The following FER variants were observed in gnomAD, a reference collection of about 807,000 sequenced individuals.
FER encodes the protein FER tyrosine kinase, also known as tyrosine-protein kinase Fer.
Under a neutral mutation model 111.0 loss-of-function variants are expected in FER, and 63 were observed. The ratio of observed to expected loss-of-function variants is 0.57; its 90% CI spans 0.46 to 0.70. The LOEUF (loss-of-function observed/expected upper bound fraction) is 0.70, where lower values mean the gene tolerates loss of function less well. FER is among the 30% of genes least tolerant of loss of function. The pLI is 0.00. For missense variants in FER, 914 were observed against 954.0 expected, an observed-to-expected ratio of 0.96 and a Z score of 0.55; for synonymous variants, 327 against 313.9, an observed-to-expected ratio of 1.04 and a Z score of -0.44.
chr5:108,912,105 C>T (rs770030387), intron 10 of FER, among the ~76,000 whole-genome samples: 26 of 152,134 alleles, frequency 1.7e-4, no homozygotes, highest in Non-Finnish European at 2.6e-4. Flanking sequence ...TTCTGCCTTC[C>T]ACCATAATTG....
At position 108,924,360 on chromosome 5, in the gene FER, CAAAAA is replaced by C. The variant is rs59469649; in HGVS notation, c.1237-21752_1237-21748del. ...GGGCGACAAGAGCGAAACTCTGTCT[CAAAAA>C]AAAAAAAAAAAAAAAAATCAAGTAG... On this transcript the variant is annotated intron_variant, in intron 10 of 19. Coordinates refer to ENST00000281092, the MANE Select transcript of FER (RefSeq NM_005246.4). Among the ~76,000 whole-genome samples the C allele has an allele frequency of 3.5e-3, 349 of 99,064 alleles. 1 individual carries two copies. The highest frequency in any genetic ancestry group is 9.0e-3 in the African/African-American group (243 of 26,918). 65.0% of individuals were successfully genotyped at this position (99,064 alleles called of 152,430 possible). A position where few individuals can be genotyped will look rare whatever the true frequency, so the allele number is the denominator to read the frequency against.
chr5:108,958,131 C>CAG (rs3839301), intron 12 of FER, among the ~76,000 whole-genome samples: 21,108 of 151,562 alleles, frequency 0.14, 1,862 homozygotes, highest in African/African-American at 0.25. Context: ...CTCAATGAAA[C>CAG]AAATATTCAT....
At chr5:108,879,697 AAAAAATAT>A (rs1379568607) in intron 8 of FER, among the ~76,000 whole-genome samples, 24 of 96,040 alleles carry the variant, frequency 2.5e-4, no homozygotes, top group African/African-American at 9.8e-4. Flanking sequence ...TTAGATTAAA[AAAAAATAT>A]ATATATATAT....
intron 10 of FER, among the ~76,000 whole-genome samples, chr5:108,909,620 C>A (rs1313746560): frequency 6.6e-6 from 1 of 151,986 alleles, no homozygotes; most frequent in African/African-American, 2.4e-5. Flanking sequence ...ATGTTTAAAT[C>A]TGTCTTCTTT....
chr5:108,988,238 G>C (rs993828422), intron 13 of FER, among the ~76,000 whole-genome samples: 2 of 151,904 alleles, frequency 1.3e-5, no homozygotes, highest in Non-Finnish European at 2.9e-5. Flanking sequence ...CAGGAATGTT[G>C]GTCTGTAGTT....
chr5:109,045,553 C>T (rs1304383852), intron 15 of FER, among the ~76,000 whole-genome samples: 1 of 151,918 alleles, frequency 6.6e-6, no homozygotes, highest in Non-Finnish European at 1.5e-5. Context: ...GTTTAGAGTC[C>T]TATAGGTGAG....
chr5:108,851,665 G>C lies in FER; in HGVS notation c.481+15858G>C, dbSNP rs181325497. On this transcript the variant is annotated intron_variant, in intron 5 of 19. Coordinates refer to ENST00000281092, the MANE Select transcript of FER (RefSeq NM_005246.4). The stretch of plus-strand genomic sequence containing the variant: ...GGTATTGAATTTAATAATTTCAAAT[G>C]TGATTTTTCTTTGAAATTTTATAGT... 2.1e-3 allele frequency among the ~76,000 whole-genome samples: 320 copies of C among 152,218 alleles called. 3 individuals carry two copies. Among genetic ancestry groups the C allele is most frequent in the African/African-American group, 7.1e-3 (296 of 41,544 alleles).
chr5:108,900,525 A>T (rs555616454), intron 10 of FER, among the ~76,000 whole-genome samples: 1 of 152,338 alleles, frequency 6.6e-6, no homozygotes, highest in East Asian at 1.9e-4. Context: ...CAATTTCAAT[A>T]AGAGACTTAT....
chr5:108,898,540 C>CCCCTCCCCTTCCTCCCTT (rs1749498353), intron 10 of FER, among the ~76,000 whole-genome samples: 1 of 130,760 alleles, frequency 7.6e-6, no homozygotes, highest in Admixed American at 7.8e-5. Flanking sequence ...TCCCTCCCTT[C>CCCCTCCCCTTCCTCCCTT]CCCTCCCCTT....
Position 109,193,373 on chromosome 5 carries a change from C to T in FER, c.*5798C>T, listed in dbSNP as rs2126912341. ...TAATTTTAATATAGAAAAAGTCTTT[C>T]AGGTTTGTGACACGAAGACAGATTT... is the stretch of plus-strand genomic sequence containing the variant. On this transcript the variant is annotated 3_prime_UTR_variant, in exon 20 of 20. Transcript: ENST00000281092. The T allele has an allele frequency of 6.6e-6, 1 of 152,226 alleles. No homozygotes were observed. The highest frequency in any genetic ancestry group is 2.1e-4 in the South Asian group (1 of 4,808). The allele number at this position is 152,226 out of a possible 1,614,324, so 9.4% of individuals were successfully genotyped here.
intron 13 of FER, among the ~76,000 whole-genome samples, chr5:108,982,568 C>T (rs1487966805): frequency 1.3e-5 from 2 of 151,918 alleles, no homozygotes; most frequent in African/African-American, 2.4e-5. Flanking sequence ...GAAAGGTATC[C>T]GAAATAATAT....
At chr5:108,904,671 C>T (rs558580802) in intron 10 of FER, among the ~76,000 whole-genome samples, 1 of 152,096 alleles carries the variant, frequency 6.6e-6, no homozygotes, top group Non-Finnish European at 1.5e-5. Context: ...CAGTGAAAAT[C>T]CTTGTAATAC....
At chr5:108,820,453 G>A (rs1758720901) in intron 3 of FER, 3 of 985,250 alleles carry the variant, frequency 3.0e-6, no homozygotes, top group South Asian at 4.7e-5. Flanking sequence ...AAGAAAGGTG[G>A]CCCTTAAGTC....
intron 11 of FER, among the ~76,000 whole-genome samples, chr5:108,953,815 T>A (rs114700029): frequency 1.1e-3 from 173 of 152,192 alleles, no homozygotes; most frequent in Middle Eastern, 6.8e-3. Flanking sequence ...ACCTTAAAAG[T>A]TAGTTCAGAT....
chr5:109,010,334 T>G (rs1766088727), intron 13 of FER, among the ~76,000 whole-genome samples: 1 of 152,084 alleles, frequency 6.6e-6, no homozygotes. Context: ...ATTTTTTGTA[T>G]TTTTAGTAGA....
At chr5:108,916,306 A>C (rs940897202) in intron 10 of FER, among the ~76,000 whole-genome samples, 8 of 152,204 alleles carry the variant, frequency 5.3e-5, no homozygotes, top group African/African-American at 1.9e-4. Flanking sequence ...AGCCTAGTAT[A>C]AAATTTTTAG....
chr5:109,067,162 C>T lies in FER; in HGVS notation c.1924+19964C>T, dbSNP rs559816865. On this transcript the variant is annotated intron_variant, in intron 16 of 19. Coordinates refer to ENST00000281092, the MANE Select transcript of FER (RefSeq NM_005246.4). ...ATTGGAAAGGTAGGACCTTACAGGT[C>T]AGGGTAAGCAACTGGATTTTATTTG... Among the ~76,000 whole-genome samples, 6 of 152,212 alleles carry T rather than the reference C, an allele frequency of 3.9e-5. No individual in the cohort carries two copies. The East Asian group carries it at 1.2e-3, about 29-fold the overall frequency.
intron 17 of FER, among the ~76,000 whole-genome samples, chr5:109,151,306 G>A (rs192042714): frequency 6.6e-6 from 1 of 152,132 alleles, no homozygotes; most frequent in African/African-American, 2.4e-5. Context: ...AAATTCAAAT[G>A]AAAAATTAGA....
At chr5:108,957,276 A>G (rs934354192) in intron 12 of FER, among the ~76,000 whole-genome samples, 1 of 151,672 alleles carries the variant, frequency 6.6e-6, no homozygotes, top group African/African-American at 2.4e-5. Context: ...GACATTGAAT[A>G]CAACATTTAA....
Sources: gnomAD v4.1 joint callset for allele counts (sites outside exome capture counted in the v4.1 genomes callset) on GRCh38, gnomAD v4.1.1 for gene constraint, MANE v1.5 for transcripts, NCBI Gene and HGNC (gene_info 2026-07-23, HGNC 2026-07-21) for gene names.